The following FAF1 variants were observed in gnomAD, a reference collection of about 807,000 sequenced individuals.
The protein encoded by FAF1 is Fas associated factor 1, also known as FAS-associated factor 1.
A neutral mutation model predicts 92.5 loss-of-function variants in FAF1; 25 were observed. The ratio of observed to expected loss-of-function variants is 0.27; its 90% CI spans 0.20 to 0.38. The LOEUF is 0.38. Ranked by LOEUF, FAF1 falls within the 10% of genes least tolerant of loss-of-function variation. FAF1 has a pLI of 1.00. For missense variants in FAF1, 636 were observed against 793.3 expected (o/e 0.80, Z 2.38); for synonymous variants, 234 against 273.2 (o/e 0.86, Z 1.42).
chr1:50,629,523 G>C (rs72900922), intron 8 of FAF1, among the ~76,000 whole-genome samples: 1 of 152,034 alleles, frequency 6.6e-6, no homozygotes, highest in Non-Finnish European at 1.5e-5. Flanking sequence ...GGTAAAATTG[G>C]GGAACTATGC....
chr1:50,743,747 T>C (rs1197637967), intron 5 of FAF1, among the ~76,000 whole-genome samples: 3 of 152,210 alleles, frequency 2.0e-5, no homozygotes, highest in African/African-American at 7.2e-5. Flanking sequence ...CTCATTTTTT[T>C]TCCTTCTTTC....
chr1:50,691,958 A>G (rs1656949804), intron 7 of FAF1, among the ~76,000 whole-genome samples: 1 of 152,166 alleles, frequency 6.6e-6, no homozygotes, highest in East Asian at 1.9e-4. Flanking sequence ...GTGGTGGCTG[A>G]CACCTGTAAT....
At chr1:50,794,314 T>C (rs1198349382) in intron 3 of FAF1, among the ~76,000 whole-genome samples, 1 of 152,234 alleles carries the variant, frequency 6.6e-6, no homozygotes, top group Non-Finnish European at 1.5e-5. Flanking sequence ...ATGTAAAATA[T>C]GCTGGCACCA....
chr1:50,765,635 C>T (rs1448629895), intron 4 of FAF1, among the ~76,000 whole-genome samples: 1 of 152,126 alleles, frequency 6.6e-6, no homozygotes, highest in Non-Finnish European at 1.5e-5. Context: ...AGCATAATCC[C>T]TATATATGAC....
chr1:50,764,086 G>C (rs1427469692), intron 4 of FAF1, among the ~76,000 whole-genome samples: 2 of 152,114 alleles, frequency 1.3e-5, no homozygotes, highest in African/African-American at 4.8e-5. Flanking sequence ...ATGCACCTAA[G>C]AGAATACCAC....
intron 2 of FAF1, among the ~76,000 whole-genome samples, chr1:50,807,996 A>C (rs1401834764): frequency 6.6e-6 from 1 of 152,130 alleles, no homozygotes; most frequent in Non-Finnish European, 1.5e-5. Flanking sequence ...TAAAATATTA[A>C]AGGCAGCTAG....
intron 7 of FAF1, among the ~76,000 whole-genome samples, chr1:50,666,869 A>T (rs1480778465): frequency 1.3e-5 from 2 of 152,208 alleles, no homozygotes; most frequent in East Asian, 3.9e-4. Context: ...TGGGTGACAG[A>T]GTGAGACTCC....
chr1:50,821,192 C>T (rs1644040198), intron 2 of FAF1, among the ~76,000 whole-genome samples: 1 of 152,060 alleles, frequency 6.6e-6, no homozygotes, highest in African/African-American at 2.4e-5. Context: ...TAGCTAACAT[C>T]AATATGCAAC....
intron 4 of FAF1, among the ~76,000 whole-genome samples, chr1:50,777,980 A>G (rs1002458599): frequency 6.6e-6 from 1 of 152,238 alleles, no homozygotes; most frequent in African/African-American, 2.4e-5. Flanking sequence ...AAGAATGTTT[A>G]TGTATGCCAA....
At chr1:50,553,195 A>C (rs1390064812) in intron 13 of FAF1, among the ~76,000 whole-genome samples, 2 of 152,238 alleles carry the variant, frequency 1.3e-5, no homozygotes, top group Non-Finnish European at 2.9e-5. Flanking sequence ...AAGACCAGTG[A>C]TACTTGAACA....
chr1:50,763,875 T>C (rs898892152), intron 4 of FAF1, among the ~76,000 whole-genome samples: 2 of 152,202 alleles, frequency 1.3e-5, no homozygotes, highest in African/African-American at 4.8e-5. Context: ...AAACCACCAT[T>C]TCCCAAATTT....
chr1:50,521,074 C>A (rs1191299033), intron 15 of FAF1, among the ~76,000 whole-genome samples: 1 of 152,080 alleles, frequency 6.6e-6, no homozygotes, highest in South Asian at 2.1e-4. Context: ...TTGTATATAT[C>A]ATGTATAATC....
At chr1:50,648,650 G>T (rs2124271757) in intron 8 of FAF1, among the ~76,000 whole-genome samples, 1 of 152,228 alleles carries the variant, frequency 6.6e-6, no homozygotes, top group South Asian at 2.1e-4. Flanking sequence ...ACTTTGGCTG[G>T]GCGCGGTGGC....
chr1:50,651,196 C>T (rs1654847524), intron 8 of FAF1, among the ~76,000 whole-genome samples: 1 of 152,152 alleles, frequency 6.6e-6, no homozygotes, highest in African/African-American at 2.4e-5. Context: ...CTGAACAAAA[C>T]ATCTCTTGTG....
At chr1:50,684,054 ATCTTTC>A (rs1237490178) in intron 7 of FAF1, among the ~76,000 whole-genome samples, 3 of 152,204 alleles carry the variant, frequency 2.0e-5, no homozygotes, top group African/African-American at 4.8e-5. Flanking sequence ...GTGAAAGGAA[ATCTTTC>A]AGCTAATTTG....
intron 8 of FAF1, among the ~76,000 whole-genome samples, chr1:50,622,356 A>G (rs1001356527): frequency 5.3e-5 from 8 of 151,970 alleles, no homozygotes; most frequent in African/African-American, 1.7e-4. Flanking sequence ...GATACTCCAC[A>G]CAAGGTTCCC....
rs1646163074 is a variant in FAF1, at chr1:50,441,230, C to G, written c.*210G>C. Reference sequence around the variant, plus strand: ...AGGGGAGGGTGGCAGAGTTGTAATTCTCTGTAATAAGGGTTGGGAATATAT... The same window carrying G: ...AGGGGAGGGTGGCAGAGTTGTAATTGTCTGTAATAAGGGTTGGGAATATAT... On this transcript the variant is annotated 3_prime_UTR_variant, in exon 19 of 19. Coordinates refer to ENST00000396153, the MANE Select transcript of FAF1 (RefSeq NM_007051.3). The G allele has an allele frequency of 2.2e-6, 1 of 456,130 alleles. No homozygotes were observed. The highest frequency in any genetic ancestry group is 3.5e-5 in the East Asian group (1 of 28,966). 28.3% of individuals were successfully genotyped at this position (456,130 alleles called of 1,614,324 possible). A position where few individuals can be genotyped will look rare whatever the true frequency, so the allele number is the denominator to read the frequency against.
intron 2 of FAF1, among the ~76,000 whole-genome samples, chr1:50,813,921 A>G: frequency 6.6e-6 from 1 of 152,188 alleles, no homozygotes; most frequent in African/African-American, 2.4e-5. Flanking sequence ...CAGGGAATAC[A>G]TTACAAGACA....
intron 2 of FAF1, among the ~76,000 whole-genome samples, chr1:50,854,391 T>C (rs1202733323): frequency 6.6e-6 from 1 of 152,006 alleles, no homozygotes; most frequent in African/African-American, 2.4e-5. Context: ...GAATCTCAGC[T>C]GTAATGACAT....
Sources: gnomAD v4.1 joint callset for allele counts (sites outside exome capture counted in the v4.1 genomes callset) on GRCh38, gnomAD v4.1.1 for gene constraint, MANE v1.5 for transcripts, NCBI Gene and HGNC (gene_info 2026-07-23, HGNC 2026-07-21) for gene names.